RALYL: variants seen among roughly 807,000 people sequenced by gnomAD.
RALYL encodes the protein RALY RNA binding protein like.
In RALYL, 29 loss-of-function variants were observed where a neutral mutation model predicts 35.1. The observed-to-expected ratio is 0.83, with a 90% confidence interval of 0.61 to 1.13. The LOEUF (loss-of-function observed/expected upper bound fraction) is 1.13. Ranked by LOEUF, RALYL falls within the 50% of genes most tolerant of loss-of-function variation. The pLI, the probability that RALYL is intolerant of heterozygous loss-of-function variation, is 0.00. For missense variants in RALYL, 359 were observed against 360.4 expected (o/e 1.00, Z 0.03); for synonymous variants, 120 against 127.6 (o/e 0.94, Z 0.40).
chr8:84,552,071 T>C (rs897091904), intron 2 of RALYL, among the ~76,000 whole-genome samples: 1 of 149,340 alleles, frequency 6.7e-6, no homozygotes, highest in Non-Finnish European at 1.5e-5. Context: ...AGTAGAGTGA[T>C]GAATAAAGTG....
At chr8:84,677,921 A>G (rs1458102549) in intron 2 of RALYL, among the ~76,000 whole-genome samples, 1 of 152,206 alleles carries the variant, frequency 6.6e-6, no homozygotes, top group Admixed American at 6.5e-5. Flanking sequence ...CAAGTGGAAA[A>G]TAAAACCACG....
intron 2 of RALYL, among the ~76,000 whole-genome samples, chr8:84,664,262 G>GTTTT (rs750256632): frequency 3.3e-4 from 14 of 43,052 alleles, no homozygotes; most frequent in Non-Finnish European, 5.1e-4. Flanking sequence ...GATGCCTCTA[G>GTTTT]ATTTTTTTTT....
At chr8:84,650,588 A>G (rs1321514179) in intron 2 of RALYL, among the ~76,000 whole-genome samples, 3 of 152,042 alleles carry the variant, frequency 2.0e-5, no homozygotes, top group Non-Finnish European at 2.9e-5. Flanking sequence ...GCTGGAGAGG[A>G]TGTGGAGAAA....
At chr8:84,698,484 A>T (rs138736885) in intron 2 of RALYL, among the ~76,000 whole-genome samples, 144 of 152,236 alleles carry the variant, frequency 9.5e-4, no homozygotes, top group African/African-American at 3.2e-3. Context: ...AGTGGAGTGC[A>T]GAATCCCAGT....
intron 1 of RALYL, among the ~76,000 whole-genome samples, chr8:84,331,929 A>G (rs1040891449): frequency 2.0e-5 from 3 of 152,152 alleles, no homozygotes; most frequent in Non-Finnish European, 4.4e-5. Context: ...TATAGTAAAC[A>G]GGCATATATT....
At chr8:84,279,458 GGTAA>G (rs1836108593) in intron 1 of RALYL, among the ~76,000 whole-genome samples, 1 of 152,130 alleles carries the variant, frequency 6.6e-6, no homozygotes, top group South Asian at 2.1e-4. Flanking sequence ...TTCAGGTAGA[GGTAA>G]GTGTTATGAA....
chr8:84,248,770 T>C (rs1829625345), intron 1 of RALYL, among the ~76,000 whole-genome samples: 1 of 152,124 alleles, frequency 6.6e-6, no homozygotes, highest in African/African-American at 2.4e-5. Context: ...CATATTTATA[T>C]GCTTCCAAAA....
intron 1 of RALYL, among the ~76,000 whole-genome samples, chr8:84,217,485 G>T (rs1563549792): frequency 6.6e-6 from 1 of 152,014 alleles, no homozygotes; most frequent in Non-Finnish European, 1.5e-5. Flanking sequence ...GTCAGAAGAG[G>T]ATGACAAGTT....
chr8:84,743,816 G>T (rs541208921), intron 2 of RALYL, among the ~76,000 whole-genome samples: 1 of 152,014 alleles, frequency 6.6e-6, no homozygotes, highest in Non-Finnish European at 1.5e-5. Flanking sequence ...AAGACATTAC[G>T]CTAACTGAAA....
At chr8:84,765,187 T>C (rs921279848) in intron 2 of RALYL, among the ~76,000 whole-genome samples, 1 of 152,192 alleles carries the variant, frequency 6.6e-6, no homozygotes, top group African/African-American at 2.4e-5. Context: ...CATCCTCCCC[T>C]GTGATGCCAG....
chr8:84,752,523 AT>A (rs889998176), intron 2 of RALYL, among the ~76,000 whole-genome samples: 1 of 152,130 alleles, frequency 6.6e-6, no homozygotes, highest in African/African-American at 2.4e-5. Flanking sequence ...AGCCAAGACA[AT>A]GGGAAAAAGG....
chr8:84,480,858 G>A (rs1205399612), intron 1 of RALYL, among the ~76,000 whole-genome samples: 1 of 152,000 alleles, frequency 6.6e-6, no homozygotes. Flanking sequence ...AATTTTATCT[G>A]CAACTGATGG....
chr8:84,493,692 C>T (rs2134083832), intron 1 of RALYL, among the ~76,000 whole-genome samples: 1 of 152,178 alleles, frequency 6.6e-6, no homozygotes, highest in East Asian at 1.9e-4. Context: ...ATATGTTTTT[C>T]ATATGTTTGA....
chr8:84,542,388 C>A (rs1437792469), intron 2 of RALYL, among the ~76,000 whole-genome samples: 1 of 151,986 alleles, frequency 6.6e-6, no homozygotes, highest in East Asian at 1.9e-4. Context: ...ATTATAATTT[C>A]TTAAATAACC....
chr8:84,523,469 T>C (rs1279958438), intron 1 of RALYL, among the ~76,000 whole-genome samples: 1 of 152,160 alleles, frequency 6.6e-6, no homozygotes, highest in Non-Finnish European at 1.5e-5. Flanking sequence ...CCATATCACC[T>C]GGGTGTTTTT....
intron 2 of RALYL, among the ~76,000 whole-genome samples, chr8:84,546,020 A>G (rs118045238): frequency 0.031 from 4,716 of 152,294 alleles, 121 homozygotes; most frequent in Middle Eastern, 0.044. Context: ...ACATTTCCAC[A>G]TTAAAATTCT....
chr8:84,850,255 G>T (rs1182391940), intron 5 of RALYL, among the ~76,000 whole-genome samples: 1 of 152,118 alleles, frequency 6.6e-6, no homozygotes, highest in African/African-American at 2.4e-5. Context: ...TCAAACCTAA[G>T]ATTTGGTGTC....
At chr8:84,673,788 G>A (rs1490269121) in intron 2 of RALYL, among the ~76,000 whole-genome samples, 1 of 152,150 alleles carries the variant, frequency 6.6e-6, no homozygotes, top group Admixed American at 6.6e-5. Context: ...TAGCCCTGTA[G>A]TATACTTTGA....
At chr8:84,267,511 G>T (rs1399475621) in intron 1 of RALYL, among the ~76,000 whole-genome samples, 1 of 151,964 alleles carries the variant, frequency 6.6e-6, no homozygotes, top group Non-Finnish European at 1.5e-5. Flanking sequence ...ATTCATAACG[G>T]TGCACACAGA....
Sources: gnomAD v4.1 joint callset for allele counts (sites outside exome capture counted in the v4.1 genomes callset) on GRCh38, gnomAD v4.1.1 for gene constraint, MANE v1.5 for transcripts, NCBI Gene and HGNC (gene_info 2026-07-23, HGNC 2026-07-21) for gene names.